ABHD5: variants seen among roughly 807,000 people sequenced by gnomAD.
The protein encoded by ABHD5 is abhydrolase domain containing 5, lysophosphatidic acid acyltransferase.
In ABHD5, 30 loss-of-function variants were observed where a neutral mutation model predicts 44.9. That is an observed-to-expected ratio of 0.67 (90% CI 0.50 to 0.91). The LOEUF (loss-of-function observed/expected upper bound fraction) is 0.91. Ranked by LOEUF, ABHD5 falls within the 40% of genes least tolerant of loss-of-function variation. The probability of loss-of-function intolerance (pLI) is 0.00; values close to 1 mark genes in which losing one functional copy is unlikely to be tolerated. For missense variants in ABHD5, 399 were observed against 423.4 expected (o/e 0.94, Z 0.50); for synonymous variants, 167 against 147.0 (o/e 1.14, Z -0.99).
chr3:43,715,354 G>A (rs763475336), intron 5 of ABHD5, among the ~76,000 whole-genome samples: 4 of 151,966 alleles, frequency 2.6e-5, no homozygotes, highest in Admixed American at 6.6e-5. Context: ...GTAGAGACGG[G>A]GTTTCTCCAT....
intron 1 of ABHD5, among the ~76,000 whole-genome samples, chr3:43,695,399 A>T (rs115019212): frequency 0.086 from 13,084 of 152,198 alleles, 768 homozygotes; most frequent in South Asian, 0.21. Context: ...TGAGATAGAG[A>T]GCTGTGCTTA....
At chr3:43,704,129 T>C (rs1310471981) in intron 3 of ABHD5, among the ~76,000 whole-genome samples, 3 of 143,406 alleles carry the variant, frequency 2.1e-5, no homozygotes, top group Non-Finnish European at 3.0e-5. Context: ...AACCTCCGTC[T>C]CCCAGGTTCA....
At chr3:43,703,379 A>G (rs1240971642) in intron 3 of ABHD5, among the ~76,000 whole-genome samples, 3 of 151,994 alleles carry the variant, frequency 2.0e-5, no homozygotes, top group East Asian at 1.9e-4. Context: ...GGGTTTCGCC[A>G]TGTTCGCCAG....
At chr3:43,731,325 A>G (rs917410430) in intron 7 of ABHD5, among the ~76,000 whole-genome samples, 3 of 152,220 alleles carry the variant, frequency 2.0e-5, no homozygotes, top group Admixed American at 6.5e-5. Flanking sequence ...CTGGCACTCA[A>G]TGGTTTATCT....
At chr3:43,707,558 G>T (rs976176560) in intron 3 of ABHD5, 2 of 152,138 alleles carry the variant, frequency 1.3e-5, no homozygotes, top group African/African-American at 4.8e-5. Flanking sequence ...TTTGTGCATT[G>T]ACTAGAGTTC....
chr3:43,703,083 G>A (rs1340229840), intron 3 of ABHD5, among the ~76,000 whole-genome samples: 1 of 151,556 alleles, frequency 6.6e-6, no homozygotes, highest in Non-Finnish European at 1.5e-5. Flanking sequence ...TATATCCCAG[G>A]GTTTTTTATT....
At chr3:43,698,620 TTGTGC>T (rs1404851966) in intron 1 of ABHD5, among the ~76,000 whole-genome samples, 1 of 152,202 alleles carries the variant, frequency 6.6e-6, no homozygotes, top group Non-Finnish European at 1.5e-5. Flanking sequence ...TTGTTCTTTG[TTGTGC>T]TGTCTTCTGA....
intron 1 of ABHD5, among the ~76,000 whole-genome samples, chr3:43,694,529 G>C (rs1344141194): frequency 6.6e-6 from 1 of 152,128 alleles, no homozygotes; most frequent in Non-Finnish European, 1.5e-5. Flanking sequence ...TCACTGACTT[G>C]TTAAGTAGAG....
chr3:43,715,411 C>G (rs1308057198), intron 5 of ABHD5, among the ~76,000 whole-genome samples: 1 of 152,126 alleles, frequency 6.6e-6, no homozygotes, highest in Admixed American at 6.5e-5. Flanking sequence ...CATCTGCCCG[C>G]CTCTGCCTCC....
chr3:43,711,887 G>A (rs761519618), intron 4 of ABHD5, 24 bp downstream of exon 4: 1 of 1,613,974 alleles, frequency 6.2e-7, no homozygotes, highest in South Asian at 1.1e-5. Context: ...TTCTAGGAAA[G>A]CAAAATGTTT....
intron 3 of ABHD5, among the ~76,000 whole-genome samples, chr3:43,703,415 G>A (rs774019368): frequency 6.6e-6 from 1 of 152,078 alleles, no homozygotes; most frequent in Non-Finnish European, 1.5e-5. Context: ...CTGACCTCAA[G>A]TGATCCACCC....
In ABHD5 at chr3:43,718,715, A is replaced by T. The variant is rs1047134671; in HGVS notation, c.*183A>T. The T allele has an allele frequency of 3.2e-6, 2 of 616,502 alleles. No individual in the cohort carries two copies. The highest frequency in any genetic ancestry group is 3.7e-5 in the African/African-American group (2 of 54,450). The allele number at this position is 616,502 out of a possible 1,614,324, so 38.2% of individuals were successfully genotyped here. ...AAACCAGTTAGTGCCTTCTAGAAGA[A>T]TGGCTTTCCTTTCTCCTACACAAAA... On this transcript the variant is annotated 3_prime_UTR_variant, in exon 7 of 7. Transcript: ENST00000644371.
At position 43,714,551 on chromosome 3, in the gene ABHD5, A is replaced by G. The variant is rs535045894; in HGVS notation, c.662-396A>G. 1.4e-4 allele frequency among the ~76,000 whole-genome samples: 21 copies of G among 152,244 alleles called. No individual in the cohort carries two copies. The South Asian group carries it at 4.3e-3, about 32-fold the overall frequency. On this transcript the variant is annotated intron_variant, in intron 4 of 6. Coordinates refer to ENST00000644371, the MANE Select transcript of ABHD5 (RefSeq NM_016006.6). ...TTTTCACACAGAAATAATTATGTATACCAGTTTACTTCATTTAGAAGTTAA... is the reference window on the plus strand; with the variant it reads ...TTTTCACACAGAAATAATTATGTATGCCAGTTTACTTCATTTAGAAGTTAA...
chr3:43,721,619 G>T lies in ABHD5; in HGVS notation c.*3087G>T, dbSNP rs1449807919. On this transcript the variant is annotated 3_prime_UTR_variant, in exon 7 of 7. Transcript: ENST00000644371. ...GGCCTGGGTTCCACCTACTTGGGAG[G>T]CTGAGGTAGGAGGACTGTGAGCCCA... is the stretch of plus-strand genomic sequence containing the variant. 1.3e-5 allele frequency: 2 copies of T among 151,912 alleles called. No homozygotes were observed. The highest frequency in any genetic ancestry group is 4.8e-5 in the African/African-American group (2 of 41,336). 9.4% of individuals were successfully genotyped at this position (151,912 alleles called of 1,614,324 possible).
chr3:43,704,329 G>A (rs1214376581), intron 3 of ABHD5, among the ~76,000 whole-genome samples: 2 of 152,146 alleles, frequency 1.3e-5, no homozygotes, highest in African/African-American at 2.4e-5. Flanking sequence ...ATGAGCCACC[G>A]CACCCGCTGG....
At chr3:43,699,521 C>G (rs975937879) in intron 2 of ABHD5, 160 bp downstream of exon 2, 1 of 742,046 alleles carries the variant, frequency 1.3e-6, no homozygotes, top group East Asian at 2.8e-5. Context: ...AAATGAATGT[C>G]GGGGGCTGGC....
chr3:43,704,139 A>G lies in ABHD5; in HGVS notation c.506+1552A>G, dbSNP rs377453513. On this transcript the variant is annotated intron_variant, in intron 3 of 6. Coordinates refer to ENST00000644371, the MANE Select transcript of ABHD5 (RefSeq NM_016006.6). ...ACCGCAACCTCCGTCTCCCAGGTTC[A>G]AGCAATTCTCCTGCCTCAGCCTCCC... is the stretch of plus-strand genomic sequence containing the variant. Among the ~76,000 whole-genome samples, 36 of 149,368 alleles carry G rather than the reference A, an allele frequency of 2.4e-4. No homozygotes were observed. The South Asian group carries it at 6.5e-3, about 27-fold the overall frequency.
chr3:43,693,448 G>C (rs1452744752), intron 1 of ABHD5, among the ~76,000 whole-genome samples: 1 of 152,164 alleles, frequency 6.6e-6, no homozygotes, highest in Non-Finnish European at 1.5e-5. Context: ...GGAGATAGGA[G>C]AGTGGATTTC....
At chr3:43,717,548 T>A (rs2084781904) in intron 5 of ABHD5, 123 bp from the exon 6 acceptor site, 1 of 970,702 alleles carries the variant, frequency 1.0e-6, no homozygotes, top group Non-Finnish European at 1.6e-6. Flanking sequence ...ATTTTCTATT[T>A]AAGCTGAGGT....
Sources: gnomAD v4.1 joint callset for allele counts (sites outside exome capture counted in the v4.1 genomes callset) on GRCh38, gnomAD v4.1.1 for gene constraint, MANE v1.5 for transcripts, NCBI Gene and HGNC (gene_info 2026-07-23, HGNC 2026-07-21) for gene names.